Variants in EPHA3 observed in about 807,000 individuals in gnomAD.
EPHA3 encodes the protein EPH receptor A3, also known as ephrin type-A receptor 3.
In EPHA3, 42 loss-of-function variants were observed where a neutral mutation model predicts 107.1. The ratio of observed to expected loss-of-function variants is 0.39; its 90% CI spans 0.31 to 0.51. The LOEUF is 0.51. Ranked by LOEUF, EPHA3 falls within the 20% of genes least tolerant of loss-of-function variation. The pLI is 0.78. For synonymous variants in EPHA3, 461 were observed against 424.8 expected (o/e 1.09, Z -1.05); for missense variants, 1,183 against 1,211.2 (o/e 0.98, Z 0.35).
At chr3:89,337,572 CTATCT>C (rs1011707515) in intron 3 of EPHA3, among the ~76,000 whole-genome samples, 9 of 152,196 alleles carry the variant, frequency 5.9e-5, no homozygotes, top group Admixed American at 5.9e-4. Context: ...CATTAAATGA[CTATCT>C]ATTCATTCGT....
At chr3:89,342,896 A>ACACACACACACACAC in intron 5 of EPHA3, among the ~76,000 whole-genome samples, 1 of 130,718 alleles carries the variant, frequency 7.7e-6, no homozygotes, top group African/African-American at 3.1e-5. Flanking sequence ...CACACACACA[A>ACACACACACACACAC]ACATTGGAGC....
chr3:89,453,667 C>T (rs1710040293), intron 15 of EPHA3, among the ~76,000 whole-genome samples: 1 of 152,088 alleles, frequency 6.6e-6, no homozygotes, highest in Non-Finnish European at 1.5e-5. Flanking sequence ...GCAACTATGT[C>T]AAGAAGTTTT....
intron 13 of EPHA3, 81 bp downstream of exon 13, chr3:89,431,440 G>T: frequency 8.5e-7 from 1 of 1,173,524 alleles, no homozygotes; most frequent in South Asian, 1.5e-5. Flanking sequence ...TAGAAATCAT[G>T]ACCCAAAACG....
intron 3 of EPHA3, among the ~76,000 whole-genome samples, chr3:89,224,865 T>C (rs767254526): frequency 8.1e-4 from 122 of 151,304 alleles, no homozygotes; most frequent in Non-Finnish European, 1.4e-3. Flanking sequence ...ATAATAATAA[T>C]AATGATAATA....
At chr3:89,173,596 A>G (rs1705255283) in intron 2 of EPHA3, among the ~76,000 whole-genome samples, 1 of 152,092 alleles carries the variant, frequency 6.6e-6, no homozygotes, top group African/African-American at 2.4e-5. Flanking sequence ...AAAATCAATA[A>G]TTCTAAAAGT....
intron 2 of EPHA3, among the ~76,000 whole-genome samples, chr3:89,171,352 T>C (rs1300878413): frequency 2.0e-5 from 3 of 152,212 alleles, no homozygotes; most frequent in African/African-American, 4.8e-5. Context: ...CTCAAATTGA[T>C]TGAATATCAC....
At chr3:89,149,911 T>G (rs1325285210) in intron 2 of EPHA3, among the ~76,000 whole-genome samples, 1 of 151,902 alleles carries the variant, frequency 6.6e-6, no homozygotes, top group African/African-American at 2.4e-5. Context: ...TCTCAGCTGT[T>G]ATAATAAACA....
chr3:89,327,359 G>A (rs1375568497), intron 3 of EPHA3, among the ~76,000 whole-genome samples: 1 of 152,112 alleles, frequency 6.6e-6, no homozygotes, highest in Non-Finnish European at 1.5e-5. Flanking sequence ...AGAAATGACT[G>A]CTAGAATATG....
At chr3:89,382,508 CAAAA>C (rs575357952) in intron 5 of EPHA3, among the ~76,000 whole-genome samples, 5 of 79,738 alleles carry the variant, frequency 6.3e-5, no homozygotes, top group Non-Finnish European at 7.9e-5. Context: ...AATTCCATCT[CAAAA>C]AAAAAAAAAA....
Position 89,292,098 on chromosome 3 carries a change from T to A in EPHA3, c.815-48818T>A, listed in dbSNP as rs1706220835. 2.0e-5 allele frequency among the ~76,000 whole-genome samples: 3 copies of A among 152,074 alleles called. No individual in the cohort carries two copies. In the South Asian group the frequency reaches 6.2e-4, roughly 31 times the overall value. On this transcript the variant is annotated intron_variant, in intron 3 of 16. Coordinates refer to ENST00000336596, the MANE Select transcript of EPHA3 (RefSeq NM_005233.6). ...AAGACACTATAATTCCTTCCAGAAATCTCTGTAGTAAAGATAAAGATCATT... is the reference window on the plus strand; with the variant it reads ...AAGACACTATAATTCCTTCCAGAAAACTCTGTAGTAAAGATAAAGATCATT...
chr3:89,475,091 T>C (rs1032753008), intron 16 of EPHA3, among the ~76,000 whole-genome samples: 1 of 152,152 alleles, frequency 6.6e-6, no homozygotes, highest in African/African-American at 2.4e-5. Flanking sequence ...CTTTTTTCCT[T>C]GAGTCTTCAT....
At chr3:89,252,177 A>G (rs1705179060) in intron 3 of EPHA3, among the ~76,000 whole-genome samples, 1 of 152,154 alleles carries the variant, frequency 6.6e-6, no homozygotes, top group Admixed American at 6.6e-5. Context: ...TATACTGCAA[A>G]CCATTTCCAA....
At chr3:89,206,360 A>G (rs1299359541) in intron 2 of EPHA3, among the ~76,000 whole-genome samples, 2 of 152,198 alleles carry the variant, frequency 1.3e-5, no homozygotes, top group African/African-American at 4.8e-5. Flanking sequence ...GTCCAGTAAA[A>G]TGCTGTTCAT....
chr3:89,187,949 A>G (rs983939379), intron 2 of EPHA3, among the ~76,000 whole-genome samples: 2 of 152,172 alleles, frequency 1.3e-5, no homozygotes, highest in African/African-American at 2.4e-5. Flanking sequence ...TGACAATTCT[A>G]CATATATTTT....
At chr3:89,131,135 G>A (rs1211829525) in intron 2 of EPHA3, among the ~76,000 whole-genome samples, 1 of 151,820 alleles carries the variant, frequency 6.6e-6, no homozygotes, top group African/African-American at 2.4e-5. Flanking sequence ...TGTGGAGGTC[G>A]TGAATAGCAA....
chr3:89,323,558 C>G (rs1044365846), intron 3 of EPHA3, among the ~76,000 whole-genome samples: 1 of 151,992 alleles, frequency 6.6e-6, no homozygotes, highest in Non-Finnish European at 1.5e-5. Flanking sequence ...TTTTTCTTTT[C>G]TATTTTGTTA....
At chr3:89,382,455 C>G (rs541511453) in intron 5 of EPHA3, among the ~76,000 whole-genome samples, 1 of 149,194 alleles carries the variant, frequency 6.7e-6, no homozygotes. Context: ...CTGCTATGAG[C>G]TAAGATCGCA....
At chr3:89,157,403 A>G (rs376094438) in intron 2 of EPHA3, among the ~76,000 whole-genome samples, 10 of 152,050 alleles carry the variant, frequency 6.6e-5, no homozygotes, top group African/African-American at 2.2e-4. Context: ...GCTGTTATCC[A>G]TAACACCTGT....
At chr3:89,352,704 G>T (rs1220143391) in intron 5 of EPHA3, among the ~76,000 whole-genome samples, 1 of 150,606 alleles carries the variant, frequency 6.6e-6, no homozygotes, top group Non-Finnish European at 1.5e-5. Flanking sequence ...AGGAATTCAA[G>T]ACCAGCCTGG....
Sources: allele counts gnomAD v4.1 joint callset (sites outside exome capture counted in the v4.1 genomes callset), GRCh38; gene constraint gnomAD v4.1.1; transcripts MANE v1.5; gene names NCBI Gene and HGNC (gene_info 2026-07-23, HGNC 2026-07-21).